Variants in ACVR1B observed in about 807,000 individuals in gnomAD.
ACVR1B encodes activin A receptor type 1B.
A neutral mutation model predicts 55.6 loss-of-function variants in ACVR1B; 15 were observed. That is an observed-to-expected ratio of 0.27 (90% CI 0.18 to 0.42). The LOEUF (loss-of-function observed/expected upper bound fraction) is 0.42, where lower values mean the gene tolerates loss of function less well. ACVR1B is among the 10% of genes least tolerant of loss of function. ACVR1B has a pLI of 1.00. For missense variants in ACVR1B, 359 were observed against 670.1 expected (o/e 0.54, Z 5.13); for synonymous variants, 247 against 254.6 (o/e 0.97, Z 0.28).
At chr12:51,955,107 T>TA (rs1412665512) in intron 1 of ACVR1B, among the ~76,000 whole-genome samples, 1 of 152,240 alleles carries the variant, frequency 6.6e-6, no homozygotes, top group African/African-American at 2.4e-5. Flanking sequence ...TTTTAATTCT[T>TA]ACGCAACTCT....
chr12:51,986,249 A>C (rs925319140), intron 6 of ACVR1B, among the ~76,000 whole-genome samples: 1 of 152,164 alleles, frequency 6.6e-6, no homozygotes, highest in Admixed American at 6.5e-5. Flanking sequence ...TCAAATAAAC[A>C]AATCTTTACT....
At chr12:51,954,207 A>G (rs1941366845) in intron 1 of ACVR1B, among the ~76,000 whole-genome samples, 1 of 152,224 alleles carries the variant, frequency 6.6e-6, no homozygotes, top group African/African-American at 2.4e-5. Context: ...GAGGGGCAGT[A>G]AGGGATAGGT....
At chr12:51,989,370 C>G (rs552244678) in intron 7 of ACVR1B, among the ~76,000 whole-genome samples, 1 of 152,042 alleles carries the variant, frequency 6.6e-6, no homozygotes, top group African/African-American at 2.4e-5. Flanking sequence ...CTGCAACCTC[C>G]GCCTCCTGGG....
chr12:51,972,625 C>G (rs1941768529), intron 1 of ACVR1B, among the ~76,000 whole-genome samples: 1 of 152,182 alleles, frequency 6.6e-6, no homozygotes, highest in Non-Finnish European at 1.5e-5. Context: ...AGGTTAATAC[C>G]TTGCTCAAGG....
intron 1 of ACVR1B, among the ~76,000 whole-genome samples, chr12:51,958,342 GGGAA>G (rs747841661): frequency 1.3e-5 from 2 of 152,092 alleles, no homozygotes; most frequent in Admixed American, 6.6e-5. Flanking sequence ...TTTCCCACAG[GGGAA>G]GTAGGGGAGA....
intron 1 of ACVR1B, among the ~76,000 whole-genome samples, chr12:51,968,813 AT>A (rs772287149): frequency 6.6e-6 from 1 of 152,164 alleles, no homozygotes; most frequent in African/African-American, 2.4e-5. Flanking sequence ...AAAATCCAAA[AT>A]TTTTTTAGCA....
chr12:51,976,243 A>T, intron 2 of ACVR1B, 84 bp from the exon 3 acceptor site: 1 of 1,520,810 alleles, frequency 6.6e-7, no homozygotes, highest in East Asian at 2.3e-5. Flanking sequence ...GGTCTTTTTC[A>T]CTCTTCACTT....
chr12:51,971,193 C>A lies in ACVR1B; in HGVS notation c.92-4072C>A, dbSNP rs1436159232. Among the ~76,000 whole-genome samples the A allele has an allele frequency of 5.7e-4, 86 of 152,202 alleles. 1 individual carries two copies. The highest frequency in any genetic ancestry group is 5.6e-3 in the Admixed American group (85 of 15,284). On this transcript the variant is annotated intron_variant, in intron 1 of 8. Transcript: ENST00000257963. ...GCTAGACAGTCTGCCCAGGTTGGAA[C>A]TTGTCAGCCTTACTCAAAACACAGC...
At chr12:51,968,055 C>T (rs902922331) in intron 1 of ACVR1B, among the ~76,000 whole-genome samples, 16 of 152,012 alleles carry the variant, frequency 1.1e-4, no homozygotes, top group African/African-American at 3.9e-4. Context: ...GCCAACATGG[C>T]GAAACCCGGT....
Position 51,983,917 on chromosome 12 carries a change from TTG to T in ACVR1B, c.812-80_812-79del. On this transcript the variant is annotated intron_variant, in intron 4 of 8. Coordinates refer to ENST00000257963, the MANE Select transcript of ACVR1B (RefSeq NM_004302.5). ...TTCAGGAGTCTAACCTGATTTTGTG[TTG>T]TATACACTCATCCTTACCAACCTTC... 7 of 1,439,396 alleles carry T rather than the reference TTG, an allele frequency of 4.9e-6. No individual in the cohort carries two copies. In the South Asian group the frequency reaches 6.2e-5, roughly 13 times the overall value. 89.2% of individuals were successfully genotyped at this position (1,439,396 alleles called of 1,614,324 possible). A position where few individuals can be genotyped will look rare whatever the true frequency, so the allele number is the denominator to read the frequency against.
At chr12:51,967,419 T>TGTG (rs998439088) in intron 1 of ACVR1B, among the ~76,000 whole-genome samples, 13 of 147,468 alleles carry the variant, frequency 8.8e-5, no homozygotes, top group Non-Finnish European at 1.5e-4. Flanking sequence ...ATTAGTTGGG[T>TGTG]GTGGTGGCGG....
chr12:51,979,476 A>AG (rs1490759064), intron 3 of ACVR1B, among the ~76,000 whole-genome samples: 1 of 151,494 alleles, frequency 6.6e-6, no homozygotes, highest in Non-Finnish European at 1.5e-5. Flanking sequence ...CAAAAAAAAA[A>AG]AAAAAAAGGA....
chr12:51,976,500 T>C lies in ACVR1B; in HGVS notation c.505T>C (p.Cys169Arg). ...GAGACTGGACATGGAAGATCCCTCATGTGAGATGTGTCTCTCCAAAGACAA... is the reference window on the plus strand; with the variant it reads ...GAGACTGGACATGGAAGATCCCTCACGTGAGATGTGTCTCTCCAAAGACAA... ...RQRLDMEDPS[C>R]EMCLSKDKTL... The change falls in exon 3 of 9, where the codon TGT (cysteine) becomes CGT (arginine). Residue 169 changes from cysteine (C) to arginine (R), a missense_variant. Physicochemically the swap from Cys to Arg is radical, Grantham distance 180. Transcript: ENST00000257963. 6.2e-7 allele frequency: 1 copy of C among 1,614,152 alleles called. No individual in the cohort carries two copies. Among genetic ancestry groups the C allele is most frequent in the Non-Finnish European group, 8.5e-7 (1 of 1,180,022 alleles).
chr12:51,975,180 C>T (rs1055528166), intron 1 of ACVR1B, 85 bp from the exon 2 acceptor site: 10 of 1,534,906 alleles, frequency 6.5e-6, no homozygotes, highest in Non-Finnish European at 8.7e-6. Flanking sequence ...ATCAAGTATG[C>T]TAAGGGATTA....
intron 1 of ACVR1B, among the ~76,000 whole-genome samples, chr12:51,960,672 C>G (rs949354631): frequency 6.6e-5 from 10 of 152,180 alleles, no homozygotes; most frequent in African/African-American, 2.4e-4. Context: ...GCAGTGGGTC[C>G]AAAGTCTATC....
At chr12:51,970,324 A>G (rs764988782) in intron 1 of ACVR1B, among the ~76,000 whole-genome samples, 2 of 152,172 alleles carry the variant, frequency 1.3e-5, no homozygotes, top group Non-Finnish European at 2.9e-5. Flanking sequence ...GATGTGCTCC[A>G]TCGTTTTACT....
At chr12:51,954,444 T>C (rs1047347607) in intron 1 of ACVR1B, among the ~76,000 whole-genome samples, 1 of 152,210 alleles carries the variant, frequency 6.6e-6, no homozygotes, top group African/African-American at 2.4e-5. Context: ...CATAGGAACA[T>C]TTTGAAATTT....
At chr12:51,973,016 G>T (rs544717999) in intron 1 of ACVR1B, among the ~76,000 whole-genome samples, 3 of 152,256 alleles carry the variant, frequency 2.0e-5, no homozygotes, top group Admixed American at 1.3e-4. Flanking sequence ...GTCTAGCATA[G>T]ATTTCACCAC....
intron 2 of ACVR1B, 96 bp downstream of exon 2, chr12:51,975,600 A>G (rs1205813509): frequency 1.8e-5 from 26 of 1,469,958 alleles, no homozygotes; most frequent in Non-Finnish European, 2.0e-5. Flanking sequence ...ACTTGGTTTG[A>G]CGATAAAGAT....
Sources: allele counts gnomAD v4.1 joint callset (sites outside exome capture counted in the v4.1 genomes callset), GRCh38; gene constraint gnomAD v4.1.1; transcripts MANE v1.5; gene names NCBI Gene and HGNC (gene_info 2026-07-23, HGNC 2026-07-21).